RBMS3: variants seen among roughly 807,000 people sequenced by gnomAD.
RBMS3 encodes RNA binding motif single stranded interacting protein 3, also known as RNA-binding motif, single-stranded-interacting protein 3.
RBMS3 carries 27 observed loss-of-function variants against 66.8 expected under a neutral mutation model. The ratio of observed to expected loss-of-function variants is 0.40; its 90% CI spans 0.30 to 0.56. The LOEUF is 0.56. Ranked by LOEUF, RBMS3 falls within the 20% of genes least tolerant of loss-of-function variation. The pLI is 0.40. For missense variants in RBMS3, 513 were observed against 549.5 expected (o/e 0.93, Z 0.66); for synonymous variants, 188 against 183.0 (o/e 1.03, Z -0.22).
At chr3:29,356,785 T>C (rs1014813683) in intron 1 of RBMS3, among the ~76,000 whole-genome samples, 2 of 152,116 alleles carry the variant, frequency 1.3e-5, no homozygotes, top group Non-Finnish European at 2.9e-5. Context: ...ATATGACCAA[T>C]GTGACAAGGG....
At chr3:29,761,743 A>G (rs1230359961) in intron 5 of RBMS3, among the ~76,000 whole-genome samples, 4 of 152,170 alleles carry the variant, frequency 2.6e-5, no homozygotes, top group Non-Finnish European at 2.9e-5. Flanking sequence ...TAGATGTAGG[A>G]AAGTTTTACA....
At chr3:29,510,716 C>A (rs1020520075) in intron 3 of RBMS3, among the ~76,000 whole-genome samples, 3 of 152,096 alleles carry the variant, frequency 2.0e-5, no homozygotes, top group African/African-American at 4.8e-5. Flanking sequence ...AATTTTAGAG[C>A]TTTTGGATTT....
chr3:29,598,125 T>A (rs1187183911), intron 4 of RBMS3, among the ~76,000 whole-genome samples: 1 of 152,138 alleles, frequency 6.6e-6, no homozygotes, highest in Non-Finnish European at 1.5e-5. Context: ...GATATCTGGT[T>A]TCGGAAATAT....
intron 1 of RBMS3, among the ~76,000 whole-genome samples, chr3:29,416,583 G>A (rs990325822): frequency 1.3e-5 from 2 of 151,960 alleles, no homozygotes; most frequent in African/African-American, 4.8e-5. Flanking sequence ...TTGGAATTTA[G>A]CTAAGGGTAA....
chr3:29,492,604 G>A (rs568244631), intron 3 of RBMS3, among the ~76,000 whole-genome samples: 12 of 152,142 alleles, frequency 7.9e-5, no homozygotes, highest in South Asian at 2.1e-4. Flanking sequence ...AGACTAGTTG[G>A]TTATAAAATT....
intron 7 of RBMS3, among the ~76,000 whole-genome samples, chr3:29,875,334 C>A (rs1254319483): frequency 6.6e-6 from 1 of 152,062 alleles, no homozygotes; most frequent in Non-Finnish European, 1.5e-5. Flanking sequence ...ATCTAGCTGC[C>A]CAGGCTCATC....
chr3:29,706,440 C>T (rs189855623), intron 4 of RBMS3, among the ~76,000 whole-genome samples: 231 of 152,318 alleles, frequency 1.5e-3, no homozygotes, highest in African/African-American at 5.2e-3. Flanking sequence ...CAAGCAGGCT[C>T]AATTGCTCTG....
At chr3:29,289,895 G>T (rs2032678285) in intron 1 of RBMS3, among the ~76,000 whole-genome samples, 1 of 151,790 alleles carries the variant, frequency 6.6e-6, no homozygotes, top group South Asian at 2.1e-4. Flanking sequence ...CCCACTCTTA[G>T]CTGATAATTT....
chr3:29,797,794 G>A (rs1361680119), intron 6 of RBMS3: 2 of 152,140 alleles, frequency 1.3e-5, no homozygotes, highest in East Asian at 3.9e-4. Flanking sequence ...TATAGTAAAT[G>A]CTAATACAAT....
intron 6 of RBMS3, among the ~76,000 whole-genome samples, chr3:29,850,277 A>G (rs1289214561): frequency 1.3e-5 from 2 of 152,190 alleles, no homozygotes; most frequent in African/African-American, 4.8e-5. Context: ...TAGACTGAAT[A>G]ACTTTTTAAT....
At chr3:29,990,460 C>CAAAA (rs10596526) in intron 13 of RBMS3, among the ~76,000 whole-genome samples, 58 of 106,488 alleles carry the variant, frequency 5.4e-4, no homozygotes, top group African/African-American at 9.7e-4. Context: ...CTGTGAGAAA[C>CAAAA]AAAAAAAAAA....
intron 3 of RBMS3, among the ~76,000 whole-genome samples, chr3:29,543,901 T>C (rs562172279): frequency 1.1e-3 from 174 of 152,152 alleles, no homozygotes; most frequent in African/African-American, 4.0e-3. Context: ...AATATAATTA[T>C]TGGGATAATT....
intron 14 of RBMS3, among the ~76,000 whole-genome samples, chr3:29,999,476 C>T (rs569988404): frequency 7.2e-5 from 11 of 152,004 alleles, no homozygotes; most frequent in East Asian, 1.9e-4. Flanking sequence ...ATGTTTATAG[C>T]GGCACTATTC....
rs111581758 is a variant in RBMS3 at position 29,544,656 on chromosome 3, G to A, written c.308-42458G>A. ...CCTCTAATTGCTAGGAGTCCCACTC[G>A]AGAATATCCTTAGATAAGAAAAAAG... On this transcript the variant is annotated intron_variant, in intron 3 of 14. Coordinates refer to ENST00000383767, the MANE Select transcript of RBMS3 (RefSeq NM_001003793.3). Among the ~76,000 whole-genome samples the A allele has an allele frequency of 5.4e-3, 818 of 150,844 alleles. 5 individuals are homozygous for A. The highest frequency in any genetic ancestry group is 7.8e-3 in the Non-Finnish European group (530 of 67,872).
intron 10 of RBMS3, among the ~76,000 whole-genome samples, chr3:29,904,150 G>A (rs1022682183): frequency 6.6e-6 from 1 of 151,822 alleles, no homozygotes; most frequent in Non-Finnish European, 1.5e-5. Flanking sequence ...AAATTTTACG[G>A]TAATTTTTCA....
chr3:29,660,689 G>A (rs2050510280), intron 4 of RBMS3, among the ~76,000 whole-genome samples: 2 of 152,144 alleles, frequency 1.3e-5, no homozygotes, highest in African/African-American at 4.8e-5. Flanking sequence ...TTAGCCTGAT[G>A]TGTAAACCTA....
intron 2 of RBMS3, among the ~76,000 whole-genome samples, chr3:29,441,348 T>A (rs373586608): frequency 1.1e-4 from 17 of 152,316 alleles, no homozygotes; most frequent in East Asian, 7.7e-4. Flanking sequence ...ACTAAATAAT[T>A]GTCATTAATA....
chr3:29,381,168 C>T (rs1214321904), intron 1 of RBMS3, among the ~76,000 whole-genome samples: 2 of 152,082 alleles, frequency 1.3e-5, no homozygotes, highest in Admixed American at 1.3e-4. Context: ...GGTCATATGA[C>T]CCCCTGCTCT....
intron 1 of RBMS3, among the ~76,000 whole-genome samples, chr3:29,339,050 C>T (rs1172469761): frequency 6.6e-6 from 1 of 152,174 alleles, no homozygotes; most frequent in Non-Finnish European, 1.5e-5. Flanking sequence ...AGCCAGGAGA[C>T]TCCAGGATCC....
Sources: allele counts gnomAD v4.1 joint callset (sites outside exome capture counted in the v4.1 genomes callset), GRCh38; gene constraint gnomAD v4.1.1; transcripts MANE v1.5; gene names NCBI Gene and HGNC (gene_info 2026-07-23, HGNC 2026-07-21).